The following SLFN12L variants were observed in gnomAD, a reference collection of about 807,000 sequenced individuals.
SLFN12L encodes schlafen family member 12-like.
A neutral mutation model predicts 34.8 loss-of-function variants in SLFN12L; 34 were observed. The ratio of observed to expected loss-of-function variants is 0.98; its 90% confidence interval spans 0.74 to 1.30. The LOEUF (loss-of-function observed/expected upper bound fraction) is 1.30, where lower values mean the gene tolerates loss of function less well. Among genes scored for constraint, SLFN12L ranks in the 50% most tolerant of loss-of-function variants. SLFN12L has a pLI of 0.00. For synonymous variants in SLFN12L, 259 were observed against 247.5 expected, an observed-to-expected ratio of 1.05 and a Z score of -0.44; for missense variants, 703 against 696.2, an observed-to-expected ratio of 1.01 and a Z score of -0.11.
intron 2 of SLFN12L, among the ~76,000 whole-genome samples, chr17:35,494,520 A>T (rs1459043654): frequency 1.3e-5 from 2 of 152,272 alleles, no homozygotes; most frequent in African/African-American, 2.4e-5. Context: ...TTTCACTCCC[A>T]TTGCAGCTTG....
At chr17:35,490,630 A>C in intron 2 of SLFN12L, 1 of 873,218 alleles carries the variant, frequency 1.1e-6, no homozygotes, top group Non-Finnish European at 1.9e-6. Context: ...TCAGGAAGAG[A>C]AGAAATTAGA....
intron 4 of SLFN12L, chr17:35,477,846 A>T (rs1335337512): frequency 3.3e-6 from 1 of 306,202 alleles, no homozygotes; most frequent in Admixed American, 5.4e-5. Flanking sequence ...ATAATTTGAC[A>T]TTATCTTATT....
At chr17:35,505,447 G>A (rs1285253815) in intron 2 of SLFN12L, among the ~76,000 whole-genome samples, 1 of 152,178 alleles carries the variant, frequency 6.6e-6, no homozygotes, top group African/African-American at 2.4e-5. Flanking sequence ...TAACTCTTGG[G>A]CAAAACCTAA....
rs145972449 is a variant in SLFN12L at position 35,478,480 on chromosome 17, G to A, written c.1166-295C>T. Reference sequence around the variant, plus strand: ...TATAACTGAGTTTATTTTAAAACAAGTTAAAATTAGAAGAATGTGATGGCT... The same window carrying A: ...TATAACTGAGTTTATTTTAAAACAAATTAAAATTAGAAGAATGTGATGGCT... On this transcript the variant is annotated intron_variant, in intron 3 of 4. Transcript: ENST00000628453. 1,045 of 198,662 alleles carry A rather than the reference G, an allele frequency of 5.3e-3. 11 individuals carry two copies. The highest frequency in any genetic ancestry group is 9.7e-3 in the Middle Eastern group (5 of 516). 12.3% of individuals were successfully genotyped at this position (198,662 alleles called of 1,614,324 possible). A position where few individuals can be genotyped will look rare whatever the true frequency, so the allele number is the denominator to read the frequency against.
chr17:35,500,631 AG>A (rs1207988574), intron 2 of SLFN12L, among the ~76,000 whole-genome samples: 2 of 151,996 alleles, frequency 1.3e-5, no homozygotes, highest in South Asian at 4.2e-4. Context: ...CAGGAGACTG[AG>A]GCAGGAGAAT....
chr17:35,471,201 A>T lies in SLFN12L; in HGVS notation c.*3722T>A, dbSNP rs1480022370. Among the ~76,000 whole-genome samples, 1 of 148,560 alleles carries T rather than the reference A, an allele frequency of 6.7e-6. No individual in the cohort carries two copies. ...ACCCAGGCTGGAGTGCAATGGGGTG[A>T]TCTTGGCTCACTGCAACCTCTGCCT... On this transcript the variant is annotated 3_prime_UTR_variant, in exon 5 of 5. Transcript: ENST00000628453.
chr17:35,523,239 T>G (rs1916050466), intron 1 of SLFN12L, among the ~76,000 whole-genome samples: 1 of 152,164 alleles, frequency 6.6e-6, no homozygotes, highest in Non-Finnish European at 1.5e-5. Context: ...AATAGCACAT[T>G]TCCTATGGAG....
intron 2 of SLFN12L, among the ~76,000 whole-genome samples, chr17:35,519,688 C>A (rs1915942140): frequency 6.6e-6 from 1 of 152,162 alleles, no homozygotes; most frequent in Non-Finnish European, 1.5e-5. Flanking sequence ...CACTTTCTGA[C>A]TCATACAGTC....
chr17:35,516,548 C>G (rs1915835139), intron 2 of SLFN12L, among the ~76,000 whole-genome samples: 1 of 152,336 alleles, frequency 6.6e-6, no homozygotes, highest in African/African-American at 2.4e-5. Context: ...GGATGTTCAG[C>G]AGTATCCCTG....
At chr17:35,537,459 A>G (rs2072473233) in intron 1 of SLFN12L, 114 bp downstream of exon 1, 1 of 152,250 alleles carries the variant, frequency 6.6e-6, no homozygotes, top group African/African-American at 2.4e-5. Flanking sequence ...TATATCTGGA[A>G]AAGTCTGTAG....
In SLFN12L at chr17:35,518,121, G is replaced by A. The variant is rs537106363; in HGVS notation, c.86+4158C>T. On this transcript the variant is annotated intron_variant, in intron 2 of 4. Coordinates refer to ENST00000628453, the MANE Select transcript of SLFN12L (RefSeq NM_001363830.2). The stretch of plus-strand genomic sequence containing the variant: ...GGTGAACAGGCAACCTACAGAATGG[G>A]AGAAAATTTTTGCAATCTACCATCT... Among the ~76,000 whole-genome samples, 8 of 152,302 alleles carry A rather than the reference G, an allele frequency of 5.3e-5. 1 individual carries two copies. The highest frequency in any genetic ancestry group is 9.6e-5 in the African/African-American group (4 of 41,554).
intron 3 of SLFN12L, 147 bp from the exon 4 acceptor site, chr17:35,478,332 T>C: frequency 1.9e-6 from 1 of 538,972 alleles, no homozygotes; most frequent in Non-Finnish European, 3.2e-6. Flanking sequence ...GGTTACATAT[T>C]GTGGTTAGAT....
rs1914819728 is a variant in SLFN12L at position 35,491,114 on chromosome 17, C to T, written c.87-10919G>A. On this transcript the variant is annotated intron_variant, in intron 2 of 4. Transcript: ENST00000628453. ...ACTGCCTCCCCTGCTGCAAGATGAC[C>T]ATTTGTGAACTTACTGCCTCCCCTG... is the stretch of plus-strand genomic sequence containing the variant. The T allele has an allele frequency of 5.2e-6, 4 of 774,082 alleles. No individual in the cohort carries two copies. The South Asian group carries it at 5.5e-5, about 11-fold the overall frequency. The allele number at this position is 774,082 out of a possible 1,614,324, so 48.0% of individuals were successfully genotyped here.
intron 2 of SLFN12L, among the ~76,000 whole-genome samples, chr17:35,481,029 C>A (rs866052824): frequency 1.3e-5 from 2 of 152,074 alleles, no homozygotes; most frequent in Non-Finnish European, 2.9e-5. Flanking sequence ...TAGAAAAAAA[C>A]CAGGCCATAC....
Position 35,475,341 on chromosome 17 carries a change from T to C in SLFN12L, c.1421A>G (p.Asp474Gly). ...SLIFSRSWSL[D>G]LGLQENHKVL... is the part of the protein sequence containing the mutation. ...TTTGTGGTTCTCTTGCAAGCCCAGA[T>C]CCAAAGACCAGCTCCTAGAGAAGAT... Residue 474 changes from aspartate to glycine, a missense_variant, in exon 5 of 5, where the codon GAT becomes GGT. By Grantham distance (94) the Asp-to-Gly change is moderately conservative. Coordinates refer to ENST00000628453, the MANE Select transcript of SLFN12L (RefSeq NM_001363830.2). The C allele has an allele frequency of 6.2e-7, 1 of 1,614,178 alleles. No homozygotes were observed. The highest frequency in any genetic ancestry group is 8.5e-7 in the Non-Finnish European group (1 of 1,180,020).
intron 2 of SLFN12L, chr17:35,490,464 T>C (rs1914791783): frequency 8.9e-6 from 9 of 1,006,078 alleles, no homozygotes; most frequent in Non-Finnish European, 1.4e-5. Flanking sequence ...AAGTGCAAAA[T>C]AGAAGGATTT....
chr17:35,467,810 T>C lies in SLFN12L; in HGVS notation c.*7113A>G, dbSNP rs907574548. Among the ~76,000 whole-genome samples, 1 of 152,190 alleles carries C rather than the reference T, an allele frequency of 6.6e-6. No homozygotes were observed. The highest frequency in any genetic ancestry group is 2.4e-5 in the African/African-American group (1 of 41,436). ...CCCGTTTGAGCCTAAACTTCAACCATGAAGCAAGCAAGCAAGCAAGCAAAA... is the reference window on the plus strand; with the variant it reads ...CCCGTTTGAGCCTAAACTTCAACCACGAAGCAAGCAAGCAAGCAAGCAAAA... On this transcript the variant is annotated 3_prime_UTR_variant, in exon 5 of 5. Coordinates refer to ENST00000628453, the MANE Select transcript of SLFN12L (RefSeq NM_001363830.2).
At chr17:35,530,750 T>C (rs1433686391) in intron 1 of SLFN12L, among the ~76,000 whole-genome samples, 3 of 152,174 alleles carry the variant, frequency 2.0e-5, no homozygotes, top group Non-Finnish European at 2.9e-5. Flanking sequence ...AACTGTGCTA[T>C]GGTGAGAAGG....
chr17:35,503,642 A>AT (rs2142152718), intron 2 of SLFN12L, among the ~76,000 whole-genome samples: 1 of 152,354 alleles, frequency 6.6e-6, no homozygotes, highest in Non-Finnish European at 1.5e-5. Flanking sequence ...TCCACTGCCG[A>AT]TGTCCCCACA....
Sources: allele counts gnomAD v4.1 joint callset (sites outside exome capture counted in the v4.1 genomes callset), GRCh38; gene constraint gnomAD v4.1.1; transcripts MANE v1.5; gene names NCBI Gene and HGNC (gene_info 2026-07-23, HGNC 2026-07-21).